ZNF486: variants seen among roughly 807,000 people sequenced by gnomAD.
ZNF486 encodes the protein KRAB box only protein 2.
ZNF486 carries 12 observed loss-of-function variants against 12.8 expected under a neutral mutation model. That is an observed-to-expected ratio of 0.94 (90% CI 0.60 to 1.52). The LOEUF is 1.52. Among genes scored for constraint, ZNF486 ranks in the 40% most tolerant of loss-of-function variants. The probability of loss-of-function intolerance (pLI) is 0.00; values close to 1 mark genes in which losing one functional copy is unlikely to be tolerated. For synonymous variants in ZNF486, 231 were observed against 184.9 expected, an observed-to-expected ratio of 1.25 and a Z score of -2.02; for missense variants, 738 against 545.0, an observed-to-expected ratio of 1.35 and a Z score of -3.53.
intron 1 of ZNF486, among the ~76,000 whole-genome samples, chr19:20,177,447 T>C (rs1395924273): frequency 1.3e-5 from 2 of 152,248 alleles, no homozygotes; most frequent in African/African-American, 4.8e-5. Context: ...AGATTTAAGA[T>C]GAACGATGTA....
At chr19:20,181,831 G>A (rs980066638) in intron 1 of ZNF486, among the ~76,000 whole-genome samples, 6 of 152,080 alleles carry the variant, frequency 3.9e-5, no homozygotes, top group East Asian at 3.9e-4. Flanking sequence ...TAAAAATGCC[G>A]CACCCTTTAC....
In ZNF486 at chr19:20,198,925, C is replaced by G. The variant is rs2089987883; in HGVS notation, c.*823C>G. 1 of 150,786 alleles carries G rather than the reference C, an allele frequency of 6.6e-6. No individual in the cohort carries two copies. The highest frequency in any genetic ancestry group is 1.5e-5 in the Non-Finnish European group (1 of 68,006). The allele number at this position is 150,786 out of a possible 1,614,324, so 9.3% of individuals were successfully genotyped here. A position where few individuals can be genotyped will look rare whatever the true frequency, so the allele number is the denominator to read the frequency against. The stretch of plus-strand genomic sequence containing the variant: ...GCTTTTCCCAACACCTCCAACTTTT[C>G]TATGCATAAAAAAAATTATACTACA... On this transcript the variant is annotated 3_prime_UTR_variant, in exon 4 of 4. Coordinates refer to ENST00000335117, the MANE Select transcript of ZNF486 (RefSeq NM_052852.4).
chr19:20,184,543 G>T, intron 2 of ZNF486, 61 bp downstream of exon 2: 1 of 1,508,562 alleles, frequency 6.6e-7, no homozygotes, highest in Middle Eastern at 1.8e-4. Context: ...TCTCTTTTTT[G>T]CAGAATGATT....
Position 20,167,377 on chromosome 19 carries a change from G to A in ZNF486, c.30+17G>A. 2 of 1,612,646 alleles carry A rather than the reference G, an allele frequency of 1.2e-6. No homozygotes were observed. The highest frequency in any genetic ancestry group is 1.7e-6 in the Non-Finnish European group (2 of 1,179,078). ...CTAGAAATGGTGAGAGTGCCCATTG[G>A]ACATCCTGAGAGAGGGGAGGGACTG... On this transcript the variant is annotated intron_variant, in intron 1 of 3. Coordinates refer to ENST00000335117, the MANE Select transcript of ZNF486 (RefSeq NM_052852.4).
At chr19:20,188,883 T>C (rs1421820177) in intron 3 of ZNF486, 3 of 156,914 alleles carry the variant, frequency 1.9e-5, no homozygotes, top group African/African-American at 7.2e-5. Context: ...TGACATAATA[T>C]TCTCAATGTT....
At position 20,175,331 on chromosome 19, in the gene ZNF486, A is replaced by ATT. The variant is rs782300626; in HGVS notation, c.30+7989_30+7990dup. 7.1e-3 allele frequency: 849 copies of ATT among 119,878 alleles called. 24 individuals are homozygous for ATT. Among genetic ancestry groups the ATT allele is most frequent in the African/African-American group, 0.022 (659 of 29,570 alleles). 7.4% of individuals were successfully genotyped at this position (119,878 alleles called of 1,614,324 possible). On this transcript the variant is annotated intron_variant, in intron 1 of 3. Coordinates refer to ENST00000335117, the MANE Select transcript of ZNF486 (RefSeq NM_052852.4). ...GGTGTCTGTTTCAGAAGCCCTATTA[A>ATT]TTTTTTTTTTTTTTTTTTTATTGAT...
chr19:20,185,847 T>A (rs960334951), intron 2 of ZNF486, 140 bp from the exon 3 acceptor site: 17 of 458,256 alleles, frequency 3.7e-5, no homozygotes, highest in African/African-American at 3.5e-4. Flanking sequence ...ATTTTCTAAA[T>A]ATTTAGAAAT....
At chr19:20,189,127 T>G (rs2089878296) in intron 3 of ZNF486, among the ~76,000 whole-genome samples, 1 of 152,142 alleles carries the variant, frequency 6.6e-6, no homozygotes, top group South Asian at 2.1e-4. Flanking sequence ...CAGGCTGAAG[T>G]GCAGTGGTGT....
rs372235808 is a variant in ZNF486, at chr19:20,189,378, G to T, written c.253+3296G>T. ...AGCACCTGGGCCTGGCCTGTGTTAC[G>T]TATTTTGTAAATAGATATAATAAGT... On this transcript the variant is annotated intron_variant, in intron 3 of 3. Transcript: ENST00000335117. 8.3e-4 allele frequency among the ~76,000 whole-genome samples: 127 copies of T among 152,200 alleles called. 2 individuals are homozygous for T. Among genetic ancestry groups the T allele is most frequent in the African/African-American group, 2.7e-3 (113 of 41,538 alleles).
At chr19:20,184,928 A>C (rs1011059499) in intron 2 of ZNF486, among the ~76,000 whole-genome samples, 48 of 152,128 alleles carry the variant, frequency 3.2e-4, no homozygotes, top group African/African-American at 1.2e-3. Flanking sequence ...CCTGACCAAC[A>C]TGGAGAAACC....
Position 20,186,063 on chromosome 19 carries a change from G to A in ZNF486, c.234G>A (p.Glu78=), listed in dbSNP as rs782406062. ...GIKPLTMKRH[E]MIAKPPVVCS... is the part of the protein sequence containing the mutation. ...AACCTCTGACTATGAAGAGACATGA[G>A]ATGATTGCCAAACCCCCAGGTAGGT... The change falls in exon 3 of 4, where the codon GAG becomes GAA. Residue 78 remains glutamate (E), a synonymous_variant. Transcript: ENST00000335117. 1 of 1,592,578 alleles carries A rather than the reference G, an allele frequency of 6.3e-7. No individual in the cohort carries two copies. Among genetic ancestry groups the A allele is most frequent in the Non-Finnish European group, 8.5e-7 (1 of 1,171,622 alleles).
intron 1 of ZNF486, among the ~76,000 whole-genome samples, chr19:20,168,437 C>T (rs1442719614): frequency 1.3e-5 from 2 of 152,270 alleles, no homozygotes; most frequent in East Asian, 3.9e-4. Flanking sequence ...GGCGGATCAC[C>T]TGAGTTCGGG....
chr19:20,195,456 C>T (rs1161122748), intron 3 of ZNF486, among the ~76,000 whole-genome samples: 2 of 152,196 alleles, frequency 1.3e-5, no homozygotes, highest in African/African-American at 4.8e-5. Flanking sequence ...GAATGAGCCA[C>T]CAACAGTGGG....
At chr19:20,176,706 T>C (rs938865715) in intron 1 of ZNF486, 1 of 154,932 alleles carries the variant, frequency 6.5e-6, no homozygotes, top group African/African-American at 2.4e-5. Flanking sequence ...GCACCTGCAA[T>C]CGCAGGCACT....
intron 3 of ZNF486, among the ~76,000 whole-genome samples, chr19:20,192,192 C>A (rs1458379514): frequency 2.0e-5 from 3 of 152,074 alleles, no homozygotes; most frequent in African/African-American, 7.2e-5. Context: ...TTTTTTCCTT[C>A]TGTTACTTTC....
chr19:20,175,769 C>T (rs182414860), intron 1 of ZNF486, among the ~76,000 whole-genome samples: 8 of 152,246 alleles, frequency 5.3e-5, no homozygotes, highest in Non-Finnish European at 1.2e-4. Context: ...ATTTCTCAGT[C>T]TTTTCCGCAC....
chr19:20,179,797 A>T lies in ZNF486; in HGVS notation c.31-4559A>T, dbSNP rs958066851. Among the ~76,000 whole-genome samples the T allele has an allele frequency of 5.9e-5, 9 of 152,344 alleles. No homozygotes were observed. The East Asian group carries it at 1.7e-3, about 29-fold the overall frequency. On this transcript the variant is annotated intron_variant, in intron 1 of 3. Coordinates refer to ENST00000335117, the MANE Select transcript of ZNF486 (RefSeq NM_052852.4). ...TCTTGTTCATTGGCCTGCTACAGTG[A>T]TGTGAGAGGCTCCAGGAGGAAATAG... is the stretch of plus-strand genomic sequence containing the variant.
At position 20,171,998 on chromosome 19, in the gene ZNF486, T is replaced by TTC. The variant is rs1413831542; in HGVS notation, c.30+4638_30+4639insTC. Among the ~76,000 whole-genome samples, 334 of 151,974 alleles carry TTC rather than the reference T, an allele frequency of 2.2e-3. 2 individuals are homozygous for TTC. The highest frequency in any genetic ancestry group is 7.8e-3 in the African/African-American group (322 of 41,402). On this transcript the variant is annotated intron_variant, in intron 1 of 3. Coordinates refer to ENST00000335117, the MANE Select transcript of ZNF486 (RefSeq NM_052852.4). ...CTACGTTAGTTTCCTTTTTTTTTTT[T>TTC]CCTTTCATTTTGTTTTGTCTTTTGA...
At chr19:20,185,404 G>GTTTTTTTT (rs782413355) in intron 2 of ZNF486, among the ~76,000 whole-genome samples, 29 of 69,602 alleles carry the variant, frequency 4.2e-4, no homozygotes, top group Non-Finnish European at 5.9e-4. Flanking sequence ...TATTGTTTAT[G>GTTTTTTTT]TTTTTTTTTT....
Sources: allele counts gnomAD v4.1 joint callset (sites outside exome capture counted in the v4.1 genomes callset), GRCh38; gene constraint gnomAD v4.1.1; transcripts MANE v1.5; gene names NCBI Gene and HGNC (gene_info 2026-07-23, HGNC 2026-07-21).